The following TENM4 variants were observed in gnomAD, a reference collection of about 807,000 sequenced individuals.
TENM4 encodes the protein teneurin transmembrane protein 4.
Under a neutral mutation model 243.3 loss-of-function variants are expected in TENM4, and 82 were observed. That is an observed-to-expected ratio of 0.34 (90% CI 0.28 to 0.40). TENM4 has a LOEUF of 0.40. TENM4 is among the 10% of genes least tolerant of loss of function. The pLI is 1.00. For missense variants in TENM4, 3,138 were observed against 3,673.3 expected, an observed-to-expected ratio of 0.85 and a Z score of 3.77; for synonymous variants, 1,412 against 1,456.3, an observed-to-expected ratio of 0.97 and a Z score of 0.69.
At chr11:78,742,490 C>G (rs1855951786) in intron 19 of TENM4, among the ~76,000 whole-genome samples, 2 of 152,176 alleles carry the variant, frequency 1.3e-5, no homozygotes. Context: ...CACTTACTTG[C>G]TAGAGCTCAC....
intron 19 of TENM4, among the ~76,000 whole-genome samples, chr11:78,745,205 C>T (rs1317913928): frequency 6.6e-6 from 1 of 151,334 alleles, no homozygotes; most frequent in Non-Finnish European, 1.5e-5. Flanking sequence ...GTCCACTGTC[C>T]CTCTTTCTTT....
At chr11:78,746,702 A>G (rs1349159702) in intron 19 of TENM4, among the ~76,000 whole-genome samples, 1 of 152,222 alleles carries the variant, frequency 6.6e-6, no homozygotes, top group Admixed American at 6.5e-5. Context: ...TGGGTTGGTC[A>G]TGTCTGGGGA....
Position 78,786,956 on chromosome 11 carries a change from G to A in TENM4, c.2307C>T (p.Thr769=), listed in dbSNP as rs1362302167. ...TGCACTCGCACTTGCCGTCGCGGCA[G>A]GTCCCATGCTCGGCACAGCGCGGGT... ...ACHPRCAEHG[T]CRDGKCECSP... is the part of the protein sequence containing the mutation. The change falls in exon 16 of 34, where the codon ACC becomes ACT. Residue 769 remains threonine (T), a synonymous_variant. Coordinates refer to ENST00000278550, the MANE Select transcript of TENM4 (RefSeq NM_001098816.3). The A allele has an allele frequency of 5.0e-6, 8 of 1,602,400 alleles. No homozygotes were observed. The highest frequency in any genetic ancestry group is 2.3e-5 in the East Asian group (1 of 44,276).
intron 6 of TENM4, among the ~76,000 whole-genome samples, chr11:78,948,635 T>G (rs1857054512): frequency 6.6e-6 from 1 of 152,218 alleles, no homozygotes; most frequent in Non-Finnish European, 1.5e-5. Flanking sequence ...CCTCCCAAAG[T>G]GCTGGGATTA....
intron 6 of TENM4, among the ~76,000 whole-genome samples, chr11:78,937,303 A>G (rs1856807233): frequency 6.6e-6 from 1 of 152,166 alleles, no homozygotes; most frequent in Non-Finnish European, 1.5e-5. Flanking sequence ...ATACCTCTCC[A>G]TTTCAGTGCC....
At chr11:79,357,812 A>C (rs1440485141) in intron 1 of TENM4, among the ~76,000 whole-genome samples, 2 of 152,240 alleles carry the variant, frequency 1.3e-5, no homozygotes, top group Non-Finnish European at 2.9e-5. Flanking sequence ...TTTGGTTGAT[A>C]ACCCCTAAAT....
At chr11:79,243,879 C>T (rs1855468958) in intron 2 of TENM4, among the ~76,000 whole-genome samples, 1 of 152,190 alleles carries the variant, frequency 6.6e-6, no homozygotes, top group African/African-American at 2.4e-5. Flanking sequence ...TCCCGCGGTG[C>T]CTACAGCAGT....
intron 1 of TENM4, among the ~76,000 whole-genome samples, chr11:79,378,315 C>T (rs1417908257): frequency 6.6e-6 from 1 of 152,192 alleles, no homozygotes; most frequent in Non-Finnish European, 1.5e-5. Flanking sequence ...GCTCTTTATC[C>T]TGGTCCCTGC....
chr11:79,264,847 G>A (rs892545512), intron 2 of TENM4, among the ~76,000 whole-genome samples: 4 of 152,176 alleles, frequency 2.6e-5, no homozygotes, highest in African/African-American at 4.8e-5. Context: ...TGCAAACCAC[G>A]ACTTGGATGC....
At chr11:78,717,493 A>T (rs1565346864) in intron 25 of TENM4, among the ~76,000 whole-genome samples, 1 of 152,238 alleles carries the variant, frequency 6.6e-6, no homozygotes, top group Non-Finnish European at 1.5e-5. Flanking sequence ...CCACTTGGCT[A>T]AGTGACCCTG....
chr11:79,120,461 A>G (rs1861718731), intron 4 of TENM4, among the ~76,000 whole-genome samples: 1 of 152,252 alleles, frequency 6.6e-6, no homozygotes, highest in African/African-American at 2.4e-5. Flanking sequence ...ACTAGGCTGG[A>G]AGGAACAACA....
At chr11:79,145,760 T>G (rs1481762395) in intron 4 of TENM4, among the ~76,000 whole-genome samples, 1 of 152,094 alleles carries the variant, frequency 6.6e-6, no homozygotes, top group East Asian at 1.9e-4. Flanking sequence ...GTGTGTAAGT[T>G]TCGGTTGTTT....
intron 3 of TENM4, among the ~76,000 whole-genome samples, chr11:79,209,734 C>T (rs532622021): frequency 6.6e-6 from 1 of 152,344 alleles, no homozygotes; most frequent in African/African-American, 2.4e-5. Context: ...CTAAGGACCG[C>T]TCCAACCTCA....
chr11:78,669,139 G>A lies in TENM4; in HGVS notation c.7206C>T (p.Tyr2402=). Reference sequence around the variant, plus strand: ...TGAGTGGATCATAGAGGCCACCATGGTAGCCTATGATGATCTGAAAGTTGG... The same window carrying A: ...TGAGTGGATCATAGAGGCCACCATGATAGCCTATGATGATCTGAAAGTTGG... ...TNPNFQIIIG[Y]HGGLYDPLTK... Residue 2402 remains tyrosine (Y), a synonymous_variant, in exon 32 of 34, where the codon TAC becomes TAT. Coordinates refer to ENST00000278550, the MANE Select transcript of TENM4 (RefSeq NM_001098816.3). This position sits in a 1 kb window ranked among gnomAD's most constrained non-coding sequence, Gnocchi z 6.4. 6.2e-7 allele frequency: 1 copy of A among 1,613,758 alleles called. No homozygotes were observed. Among genetic ancestry groups the A allele is most frequent in the African/African-American group, 1.3e-5 (1 of 75,028 alleles).
chr11:78,928,311 C>T (rs756295757), intron 6 of TENM4, among the ~76,000 whole-genome samples: 7 of 152,206 alleles, frequency 4.6e-5, no homozygotes, highest in East Asian at 1.9e-4. Context: ...CAATATCATA[C>T]GTTAAGAAGC....
At chr11:78,706,199 C>T (rs766087322) in intron 27 of TENM4, among the ~76,000 whole-genome samples, 11 of 152,052 alleles carry the variant, frequency 7.2e-5, no homozygotes, top group East Asian at 1.9e-4. Flanking sequence ...TCTAACAGAG[C>T]GCCTGGCCCA....
intron 4 of TENM4, among the ~76,000 whole-genome samples, chr11:79,115,706 G>A (rs1861604316): frequency 6.6e-6 from 1 of 152,198 alleles, no homozygotes; most frequent in South Asian, 2.1e-4. Flanking sequence ...GCATTCCAAA[G>A]TGCTTGTCCA....
intron 6 of TENM4, among the ~76,000 whole-genome samples, chr11:79,021,033 C>T (rs991597195): frequency 3.9e-5 from 6 of 152,216 alleles, no homozygotes; most frequent in African/African-American, 1.4e-4. Flanking sequence ...TTCATCTTTG[C>T]ATCCCTGCTG....
chr11:78,771,173 C>A, intron 17 of TENM4, 35 bp from the exon 18 acceptor site: 12 of 1,553,032 alleles, frequency 7.7e-6, no homozygotes, highest in Non-Finnish European at 9.6e-6. Context: ...GGTCTGATCA[C>A]CCAGAGTCAA....
Sources: gnomAD v4.1 joint callset for allele counts (sites outside exome capture counted in the v4.1 genomes callset) on GRCh38, gnomAD v4.1.1 for gene constraint, Gnocchi (gnomAD v3.1) non-coding constraint, MANE v1.5 for transcripts, NCBI Gene and HGNC (gene_info 2026-07-23, HGNC 2026-07-21) for gene names.